Variants in MAD1L1 observed in about 807,000 individuals in gnomAD.
MAD1L1 encodes mitotic spindle assembly checkpoint protein MAD1.
Under a neutral mutation model 96.9 loss-of-function variants are expected in MAD1L1, and 95 were observed. That is an observed-to-expected ratio of 0.98 (90% CI 0.83 to 1.16). The LOEUF is 1.16. Among genes scored for constraint, MAD1L1 ranks in the 50% most tolerant of loss-of-function variants. MAD1L1 has a pLI of 0.00. For missense variants in MAD1L1, 1,007 were observed against 954.4 expected, an observed-to-expected ratio of 1.06 and a Z score of -0.73; for synonymous variants, 473 against 396.6, an observed-to-expected ratio of 1.19 and a Z score of -2.29.
intron 12 of MAD1L1, among the ~76,000 whole-genome samples, chr7:2,034,218 C>A (rs1256827031): frequency 6.9e-6 from 1 of 145,116 alleles, no homozygotes; most frequent in Non-Finnish European, 1.5e-5. Context: ...AATAAAGAGT[C>A]TCCTTTTTTT....
intron 13 of MAD1L1, among the ~76,000 whole-genome samples, chr7:2,012,215 G>A (rs897784726): frequency 2.6e-5 from 4 of 152,210 alleles, no homozygotes; most frequent in Non-Finnish European, 5.9e-5. Context: ...TGAGTCCTGA[G>A]GTCCCTGACA....
In MAD1L1 at chr7:2,130,063, G is replaced by A. The variant is rs148057321; in HGVS notation, c.1073+19089C>T. On this transcript the variant is annotated intron_variant, in intron 11 of 18. Coordinates refer to ENST00000265854, the MANE Select transcript of MAD1L1 (RefSeq NM_001013836.2). The stretch of plus-strand genomic sequence containing the variant: ...AGACTCCAGCACCAAGTGGGTGCAG[G>A]AAATGCCACCTGGCTGCCCCGATGC... Among the ~76,000 whole-genome samples the A allele has an allele frequency of 1.3e-3, 203 of 152,374 alleles. 1 individual carries two copies. The highest frequency in any genetic ancestry group is 4.5e-3 in the African/African-American group (189 of 41,594).
intron 11 of MAD1L1, among the ~76,000 whole-genome samples, chr7:2,077,701 G>A (rs890673436): frequency 1.4e-4 from 22 of 152,246 alleles, no homozygotes; most frequent in African/African-American, 5.1e-4. Context: ...GGGAGCAGGA[G>A]ACAAGGATCC....
rs544292506 is a variant in MAD1L1, at chr7:2,197,914, T to C, written c.986+15298A>G. ...TAGCCCCCGGGTCCCAGCCCCCAGGTCCCAGCCCCCAGGCCCCAGCCTGTG... is the reference window on the plus strand; with the variant it reads ...TAGCCCCCGGGTCCCAGCCCCCAGGCCCCAGCCCCCAGGCCCCAGCCTGTG... On this transcript the variant is annotated intron_variant, in intron 10 of 18. Transcript: ENST00000265854. Among the ~76,000 whole-genome samples, 740 of 151,526 alleles carry C rather than the reference T, an allele frequency of 4.9e-3. 9 individuals are homozygous for C. The highest frequency in any genetic ancestry group is 0.017 in the African/African-American group (698 of 41,200).
At chr7:1,897,294 G>C (rs1440598407) in intron 18 of MAD1L1, among the ~76,000 whole-genome samples, 1 of 152,220 alleles carries the variant, frequency 6.6e-6, no homozygotes. Context: ...AGAGGCTGCA[G>C]ACTGCAGGCA....
chr7:2,078,778 G>C (rs974756370), intron 11 of MAD1L1, among the ~76,000 whole-genome samples: 1 of 152,304 alleles, frequency 6.6e-6, no homozygotes, highest in Non-Finnish European at 1.5e-5. Context: ...GGCATGCCTC[G>C]CTGAGGACTT....
chr7:1,882,046 C>T (rs1226951626), intron 18 of MAD1L1, among the ~76,000 whole-genome samples: 3 of 152,154 alleles, frequency 2.0e-5, no homozygotes, highest in Non-Finnish European at 4.4e-5. Context: ...TCTGAGCCTC[C>T]GCCTGCTTGA....
chr7:2,161,354 G>A (rs956941442), intron 10 of MAD1L1, among the ~76,000 whole-genome samples: 4 of 152,152 alleles, frequency 2.6e-5, no homozygotes, highest in African/African-American at 9.6e-5. Flanking sequence ...TGATCTGCCA[G>A]CCTCGGCCTC....
chr7:1,856,380 A>C (rs1365942700), intron 18 of MAD1L1, among the ~76,000 whole-genome samples: 1 of 152,184 alleles, frequency 6.6e-6, no homozygotes, highest in Non-Finnish European at 1.5e-5. Flanking sequence ...GCCAGTCCCC[A>C]CAGGCCAGCC....
intron 12 of MAD1L1, among the ~76,000 whole-genome samples, chr7:2,067,565 G>A (rs1035421977): frequency 1.3e-5 from 2 of 152,110 alleles, no homozygotes; most frequent in African/African-American, 4.8e-5. Flanking sequence ...GCAGGGTCGG[G>A]CTGCACTTGC....
intron 17 of MAD1L1, among the ~76,000 whole-genome samples, chr7:1,902,845 G>A (rs1288686369): frequency 6.7e-6 from 1 of 149,792 alleles, no homozygotes; most frequent in African/African-American, 2.6e-5. Flanking sequence ...GTGGCCTATG[G>A]AAGACGCTCT....
At chr7:1,887,364 T>C (rs530279464) in intron 18 of MAD1L1, among the ~76,000 whole-genome samples, 4 of 151,126 alleles carry the variant, frequency 2.6e-5, no homozygotes, top group Admixed American at 2.6e-4. Flanking sequence ...TGCATGTGTG[T>C]GGGTGGCTGT....
intron 18 of MAD1L1, among the ~76,000 whole-genome samples, chr7:1,864,698 G>C (rs1282599002): frequency 6.6e-6 from 1 of 152,164 alleles, no homozygotes; most frequent in Non-Finnish European, 1.5e-5. Flanking sequence ...GGGCCTAACC[G>C]GAGGTGTTTG....
At position 1,932,293 on chromosome 7, in the gene MAD1L1, G is replaced by A. The variant is rs111552488; in HGVS notation, c.1807+4394C>T. Among the ~76,000 whole-genome samples, 1,497 of 152,318 alleles carry A rather than the reference G, an allele frequency of 9.8e-3. 24 individuals are homozygous for A. Among genetic ancestry groups the A allele is most frequent in the African/African-American group, 0.034 (1,395 of 41,572 alleles). On this transcript the variant is annotated intron_variant, in intron 17 of 18. Transcript: ENST00000265854. ...CTGGCCCCTGCCGGCTGCTCCCCAG[G>A]CCTGAGGCCTCCTTCTCTGCTTCCG...
chr7:2,157,189 C>T (rs1458601263), intron 10 of MAD1L1, among the ~76,000 whole-genome samples: 2 of 152,144 alleles, frequency 1.3e-5, no homozygotes, highest in East Asian at 3.8e-4. Flanking sequence ...CAAAAGAGTG[C>T]TAAGTAATAC....
intron 11 of MAD1L1, among the ~76,000 whole-genome samples, chr7:2,124,690 C>G (rs144552439): frequency 3.9e-5 from 6 of 152,208 alleles, no homozygotes; most frequent in African/African-American, 1.4e-4. Flanking sequence ...TCTCACACAC[C>G]CCGGGAGGGC....
At chr7:2,074,890 C>A (rs960834727) in intron 11 of MAD1L1, among the ~76,000 whole-genome samples, 1 of 152,152 alleles carries the variant, frequency 6.6e-6, no homozygotes, top group African/African-American at 2.4e-5. Flanking sequence ...CAGAGACAGG[C>A]GGTGTCAGAG....
intron 16 of MAD1L1, among the ~76,000 whole-genome samples, chr7:1,937,109 A>T (rs776147709): frequency 1.2e-4 from 19 of 152,158 alleles, no homozygotes; most frequent in Admixed American, 2.6e-4. Context: ...AGGTGCAGGA[A>T]CAAGGCCTGG....
chr7:1,992,203 G>A (rs1188438639), intron 14 of MAD1L1, among the ~76,000 whole-genome samples: 5 of 151,466 alleles, frequency 3.3e-5, no homozygotes, highest in East Asian at 2.0e-4. Context: ...CTGAGCACCT[G>A]CCCCACCAGA....
Sources: allele counts gnomAD v4.1 joint callset (sites outside exome capture counted in the v4.1 genomes callset), GRCh38; gene constraint gnomAD v4.1.1; transcripts MANE v1.5; gene names NCBI Gene and HGNC (gene_info 2026-07-23, HGNC 2026-07-21).